Variants in CCDC7 observed in about 807,000 individuals in gnomAD.
CCDC7 encodes coiled-coil domain-containing protein 7.
Under a neutral mutation model 196.9 loss-of-function variants are expected in CCDC7, and 183 were observed. The observed-to-expected ratio is 0.93, with a 90% CI of 0.82 to 1.05. CCDC7 has a LOEUF of 1.05. CCDC7 is among the 50% of genes least tolerant of loss of function. CCDC7 has a pLI of 0.00. For missense variants in CCDC7, 1,540 were observed against 1,482.2 expected (o/e 1.04, Z -0.64); for synonymous variants, 525 against 484.6 (o/e 1.08, Z -1.10).
At chr10:32,647,530 T>C (rs1282772428) in intron 20 of CCDC7, among the ~76,000 whole-genome samples, 2 of 152,194 alleles carry the variant, frequency 1.3e-5, no homozygotes, top group African/African-American at 2.4e-5. Flanking sequence ...ATAGCCATTC[T>C]GACTGGTGTG....
intron 9 of CCDC7, among the ~76,000 whole-genome samples, chr10:32,498,860 T>C (rs1420224564): frequency 2.0e-5 from 3 of 151,664 alleles, no homozygotes; most frequent in African/African-American, 7.3e-5. Flanking sequence ...GACAATTATG[T>C]GTCTTGGGGT....
chr10:32,546,720 T>G (rs2052524439), intron 13 of CCDC7, among the ~76,000 whole-genome samples: 1 of 152,214 alleles, frequency 6.6e-6, no homozygotes, highest in Admixed American at 6.5e-5. Context: ...TTATATTATC[T>G]CATAGTTTCA....
chr10:32,753,566 C>A (rs964086262), intron 28 of CCDC7, among the ~76,000 whole-genome samples: 1 of 152,114 alleles, frequency 6.6e-6, no homozygotes, highest in African/African-American at 2.4e-5. Context: ...TAATCTAGCT[C>A]TTTATTCTGT....
chr10:32,592,592 C>T (rs1235655002), intron 18 of CCDC7, among the ~76,000 whole-genome samples: 1 of 152,070 alleles, frequency 6.6e-6, no homozygotes, highest in Non-Finnish European at 1.5e-5. Context: ...GGTACATGTG[C>T]ATAACGTGCC....
At chr10:32,704,445 A>C (rs570681630) in intron 24 of CCDC7, among the ~76,000 whole-genome samples, 2 of 151,780 alleles carry the variant, frequency 1.3e-5, no homozygotes, top group South Asian at 4.2e-4. Context: ...CATTTAGGCT[A>C]CTCAGGGGTC....
rs997179680 is a variant in CCDC7 at position 32,511,379 on chromosome 10, G to A, written c.873-6566G>A. ...ATTTTTCGGTTTTGGTTCCCAGAGGGCATTTTTTACAAATCTTGAAGCTGC... is the reference window on the plus strand; with the variant it reads ...ATTTTTCGGTTTTGGTTCCCAGAGGACATTTTTTACAAATCTTGAAGCTGC... On this transcript the variant is annotated intron_variant, in intron 9 of 41. Coordinates refer to ENST00000639629, the Ensembl canonical transcript of CCDC7. The A allele has an allele frequency of 3.0e-4, 488 of 1,608,828 alleles. 1 individual carries two copies. The highest frequency in any genetic ancestry group is 3.9e-4 in the Non-Finnish European group (461 of 1,176,548).
At chr10:32,728,748 T>A in intron 26 of CCDC7, 139 bp from the exon 28 acceptor site, 1 of 486,370 alleles carries the variant, frequency 2.1e-6, no homozygotes. Flanking sequence ...CAGCAGCCAT[T>A]AAAATTATTC....
intron 8 of CCDC7, among the ~76,000 whole-genome samples, chr10:32,483,608 C>T (rs1225604322): frequency 6.6e-6 from 1 of 152,154 alleles, no homozygotes; most frequent in Non-Finnish European, 1.5e-5. Context: ...AGGTTTTCTT[C>T]TAGGGTTTTT....
chr10:32,861,616 C>A (rs1325879549), intron 41 of CCDC7, among the ~76,000 whole-genome samples: 1 of 152,166 alleles, frequency 6.6e-6, no homozygotes, highest in African/African-American at 2.4e-5. Context: ...AAGAAACTAT[C>A]ATCATAGTGA....
chr10:32,587,219 C>T (rs143186895), intron 18 of CCDC7, among the ~76,000 whole-genome samples: 1 of 152,274 alleles, frequency 6.6e-6, no homozygotes, highest in African/African-American at 2.4e-5. Flanking sequence ...TCATTCCCCG[C>T]ATTTTCCTCC....
intron 28 of CCDC7, among the ~76,000 whole-genome samples, chr10:32,761,873 T>G (rs550911704): frequency 1.3e-5 from 2 of 151,988 alleles, no homozygotes; most frequent in Non-Finnish European, 2.9e-5. Flanking sequence ...AAGCAGAATT[T>G]GTAGAGACTG....
At chr10:32,677,207 G>A (rs1245120870) in intron 21 of CCDC7, among the ~76,000 whole-genome samples, 1 of 128,370 alleles carries the variant, frequency 7.8e-6, no homozygotes, top group Non-Finnish European at 1.6e-5. Flanking sequence ...ACACTCTGGG[G>A]ACTGTTGTGG....
At chr10:32,878,258 G>T (rs545143564), downstream of CCDC7, among the ~76,000 whole-genome samples, 36 of 152,022 alleles carry the variant, frequency 2.4e-4, no homozygotes, top group Non-Finnish European at 4.3e-4. Context: ...AATCCTATGT[G>T]GCTTGTGGCT....
At chr10:32,792,974 A>C (rs2082960223) in intron 29 of CCDC7, among the ~76,000 whole-genome samples, 1 of 152,210 alleles carries the variant, frequency 6.6e-6, no homozygotes, top group Non-Finnish European at 1.5e-5. Context: ...ACAAAATGAT[A>C]ATAGTAAGTT....
At chr10:32,755,025 C>T (rs920280620) in intron 28 of CCDC7, among the ~76,000 whole-genome samples, 10 of 152,260 alleles carry the variant, frequency 6.6e-5, no homozygotes, top group Admixed American at 2.6e-4. Flanking sequence ...ACTGCTAGCA[C>T]GGCAGTCTGA....
At chr10:32,868,899 C>T (rs1003920988) in intron 41 of CCDC7, among the ~76,000 whole-genome samples, 2 of 152,088 alleles carry the variant, frequency 1.3e-5, no homozygotes, top group African/African-American at 4.8e-5. Context: ...GACATGAATT[C>T]ATTCTTTTTT....
intron 31 of CCDC7, among the ~76,000 whole-genome samples, chr10:32,820,353 G>C (rs1366328596): frequency 6.6e-6 from 1 of 152,192 alleles, no homozygotes; most frequent in Non-Finnish European, 1.5e-5. Context: ...CTCATGGGTA[G>C]GAAGAATCAA....
intron 9 of CCDC7, among the ~76,000 whole-genome samples, chr10:32,493,966 T>C (rs1453010912): frequency 6.6e-6 from 1 of 152,188 alleles, no homozygotes; most frequent in Non-Finnish European, 1.5e-5. Context: ...GGTTTGCAAA[T>C]ATTTTCTCCC....
intron 9 of CCDC7, chr10:32,499,060 T>C (rs1318799011): frequency 2.0e-5 from 3 of 151,230 alleles, no homozygotes; most frequent in Admixed American, 6.6e-5. Flanking sequence ...CATAGTCCCA[T>C]ATTTCTTGGA....
Sources: gnomAD v4.1 joint callset for allele counts (sites outside exome capture counted in the v4.1 genomes callset) on GRCh38, gnomAD v4.1.1 for gene constraint, MANE v1.5 for transcripts, NCBI Gene and HGNC (gene_info 2026-07-23, HGNC 2026-07-21) for gene names.